The following AKAP19 variants were observed in gnomAD, a reference collection of about 807,000 sequenced individuals.
AKAP19 encodes the protein small A-kinase anchoring protein.
the AKAP19 span, among the ~76,000 whole-genome samples, chr2:190,186,772 C>T: frequency 6.6e-6 from 1 of 152,120 alleles, no homozygotes; most frequent in Non-Finnish European, 1.5e-5. This position sits in a 1 kb window ranked among gnomAD's most constrained non-coding sequence, Gnocchi z 5.5. Flanking sequence ...TTCTTAGTAT[C>T]CATTATTAGA....
At chr2:190,125,859 A>C in the AKAP19 span, among the ~76,000 whole-genome samples, 1 of 152,182 alleles carries the variant, frequency 6.6e-6, no homozygotes, top group Non-Finnish European at 1.5e-5. Flanking sequence ...CCAGAGGTAT[A>C]GATTTTCAAG....
the AKAP19 span, among the ~76,000 whole-genome samples, chr2:190,119,983 T>C: frequency 2.6e-5 from 4 of 152,160 alleles, no homozygotes; most frequent in South Asian, 2.1e-4. Context: ...GGCAGACTTA[T>C]CAACACAAAT....
At chr2:189,897,962 A>T in the AKAP19 span, among the ~76,000 whole-genome samples, 1 of 152,178 alleles carries the variant, frequency 6.6e-6, no homozygotes, top group Admixed American at 6.6e-5. Context: ...TAGTCCCAGC[A>T]CTTTGGGAGG....
chr2:189,974,362 GT>G, the AKAP19 span, among the ~76,000 whole-genome samples: 2 of 152,094 alleles, frequency 1.3e-5, no homozygotes, highest in African/African-American at 4.8e-5. Flanking sequence ...TATAATTTCT[GT>G]TCTTTTACAT....
At chr2:190,070,895 C>T in the AKAP19 span, among the ~76,000 whole-genome samples, 1 of 152,100 alleles carries the variant, frequency 6.6e-6, no homozygotes, top group Non-Finnish European at 1.5e-5. Flanking sequence ...CTTAGATTTT[C>T]ATCAAATACT....
chr2:189,935,637 T>C, the AKAP19 span, among the ~76,000 whole-genome samples: 1 of 152,152 alleles, frequency 6.6e-6, no homozygotes, highest in South Asian at 2.1e-4. Flanking sequence ...TATTTGTTAC[T>C]GCTTGTAGCA....
chr2:189,904,202 A>G, the AKAP19 span, among the ~76,000 whole-genome samples: 8 of 152,070 alleles, frequency 5.3e-5, no homozygotes, highest in Non-Finnish European at 1.2e-4. Context: ...ACATTGCCTT[A>G]TATTTATGTA....
chr2:190,030,670 G>A, the AKAP19 span, among the ~76,000 whole-genome samples: 1 of 152,168 alleles, frequency 6.6e-6, no homozygotes, highest in African/African-American at 2.4e-5. Context: ...TTGTAGATGT[G>A]ACAAATTTGG....
the AKAP19 span, among the ~76,000 whole-genome samples, chr2:190,040,383 ATTTG>A: frequency 1.3e-5 from 2 of 152,044 alleles, no homozygotes; most frequent in African/African-American, 2.4e-5. Flanking sequence ...TCTGTTGTAA[ATTTG>A]TTTAAGTTCC....
At chr2:189,887,613 A>G in the AKAP19 span, among the ~76,000 whole-genome samples, 9 of 152,288 alleles carry the variant, frequency 5.9e-5, no homozygotes, top group East Asian at 1.7e-3. Context: ...CTGTTTCTCC[A>G]CATCCTCTCC....
At chr2:190,084,751 A>C in the AKAP19 span, among the ~76,000 whole-genome samples, 1 of 152,136 alleles carries the variant, frequency 6.6e-6, no homozygotes, top group East Asian at 1.9e-4. Flanking sequence ...CTAACTTTCA[A>C]CCTTGGCTTT....
the AKAP19 span, among the ~76,000 whole-genome samples, chr2:189,965,269 C>T: frequency 4.6e-5 from 7 of 152,228 alleles, no homozygotes; most frequent in African/African-American, 7.2e-5. Context: ...CATCCCAAAA[C>T]AATTACAAAA....
the AKAP19 span, among the ~76,000 whole-genome samples, chr2:190,114,017 C>T: frequency 4.1e-3 from 624 of 152,202 alleles, no homozygotes; most frequent in Non-Finnish European, 6.9e-3. Flanking sequence ...GAAAGTTACT[C>T]TTATTTTACT....
the AKAP19 span, among the ~76,000 whole-genome samples, chr2:190,157,898 G>A: frequency 2.0e-5 from 3 of 152,178 alleles, no homozygotes; most frequent in African/African-American, 7.2e-5. Context: ...CTCAGTACCT[G>A]TTTTAAGAAA....
the AKAP19 span, among the ~76,000 whole-genome samples, chr2:190,016,014 T>C: frequency 6.6e-6 from 1 of 152,224 alleles, no homozygotes; most frequent in Non-Finnish European, 1.5e-5. Context: ...ATCAGCATTT[T>C]GGTCAAAACC....
At chr2:190,140,865 C>T in the AKAP19 span, among the ~76,000 whole-genome samples, 1 of 152,170 alleles carries the variant, frequency 6.6e-6, no homozygotes, top group Admixed American at 6.5e-5. Flanking sequence ...TTTTCTATCA[C>T]ATTGTCAGGC....
At chr2:190,069,506 A>G in the AKAP19 span, among the ~76,000 whole-genome samples, 3 of 152,150 alleles carry the variant, frequency 2.0e-5, no homozygotes, top group Non-Finnish European at 4.4e-5. Flanking sequence ...TTGTAAAACC[A>G]TTTTTAGAAA....
chr2:190,181,113 A>G, the AKAP19 span: 2 of 985,636 alleles, frequency 2.0e-6, no homozygotes, highest in Non-Finnish European at 1.2e-6. Flanking sequence ...GTGTTGTGTA[A>G]GTGAACATCT....
the AKAP19 span, among the ~76,000 whole-genome samples, chr2:190,198,912 A>G: frequency 6.6e-6 from 1 of 152,346 alleles, no homozygotes; most frequent in East Asian, 1.9e-4. Flanking sequence ...TTGACCAAAC[A>G]TCAAACAAGG....
Sources: gnomAD v4.1 joint callset for allele counts (sites outside exome capture counted in the v4.1 genomes callset) on GRCh38, gnomAD v4.1.1 for gene constraint, Gnocchi (gnomAD v3.1) non-coding constraint, MANE v1.5 for transcripts, NCBI Gene and HGNC (gene_info 2026-07-23, HGNC 2026-07-21) for gene names.